Variants in ANKRD24 observed in about 807,000 individuals in gnomAD.
ANKRD24 encodes ankyrin repeat domain-containing protein 24.
In ANKRD24, 109 loss-of-function variants were observed where a neutral mutation model predicts 127.8. The observed-to-expected ratio is 0.85, with a 90% CI of 0.73 to 1.00. The LOEUF (loss-of-function observed/expected upper bound fraction) is 1.00, where lower values mean the gene tolerates loss of function less well. Among genes scored for constraint, ANKRD24 ranks in the 50% least tolerant of loss-of-function variants. The probability of loss-of-function intolerance (pLI) is 0.00; values close to 1 mark genes in which losing one functional copy is unlikely to be tolerated. For missense variants in ANKRD24, 1,648 were observed against 1,570.2 expected, an observed-to-expected ratio of 1.05 and a Z score of -0.84; for synonymous variants, 743 against 671.1, an observed-to-expected ratio of 1.11 and a Z score of -1.66.
intron 10 of ANKRD24, among the ~76,000 whole-genome samples, chr19:4,208,439 C>A (rs758763672): frequency 6.6e-6 from 1 of 152,100 alleles, no homozygotes; most frequent in Admixed American, 6.5e-5. Context: ...AAGTCCCTCA[C>A]GCCTGGCTAA....
In ANKRD24 at chr19:4,195,004, G is replaced by GTC. The variant is rs1968617764; in HGVS notation, c.37-4676_37-4675dup. Among the ~76,000 whole-genome samples the GTC allele has an allele frequency of 6.6e-6, 1 of 152,088 alleles. No individual in the cohort carries two copies. On this transcript the variant is annotated intron_variant, in intron 2 of 21. Coordinates refer to ENST00000318934, the MANE Select transcript of ANKRD24 (RefSeq NM_001393985.1). The surrounding 1 kb of genome is among the most constrained non-coding windows in gnomAD (Gnocchi z 4.2). ...TTTTTTTCAGATGGAGTCTCGCTGT[G>GTC]TCTCCCAGGCTGGAGTGCAGTGGTG... is the stretch of plus-strand genomic sequence containing the variant.
rs1404173090 is a variant in ANKRD24, at chr19:4,195,354, G to A, written c.37-4329G>A. 3.9e-5 allele frequency among the ~76,000 whole-genome samples: 6 copies of A among 152,010 alleles called. No homozygotes were observed. Among genetic ancestry groups the A allele is most frequent in the Non-Finnish European group, 7.4e-5 (5 of 68,008 alleles). ...CTCCCAAAGTGCTGGGATGACAGGC[G>A]TGAGCCACCATGCCTGGCCATTTGC... is the stretch of plus-strand genomic sequence containing the variant. On this transcript the variant is annotated intron_variant, in intron 2 of 21. Coordinates refer to ENST00000318934, the MANE Select transcript of ANKRD24 (RefSeq NM_001393985.1). The surrounding 1 kb of genome is among the most constrained non-coding windows in gnomAD (Gnocchi z 4.2).
chr19:4,185,044 G>A (rs1236519316), intron 1 of ANKRD24, among the ~76,000 whole-genome samples: 1 of 138,010 alleles, frequency 7.2e-6, no homozygotes, highest in Non-Finnish European at 1.6e-5. Flanking sequence ...GGATGGATGA[G>A]TGGATGGGTG....
chr19:4,216,902 C>T lies in ANKRD24; in HGVS notation c.1742C>T (p.Ala581Val), dbSNP rs753366743. 1 of 1,609,730 alleles carries T rather than the reference C, an allele frequency of 6.2e-7. No individual in the cohort carries two copies. Among genetic ancestry groups the T allele is most frequent in the Non-Finnish European group, 8.5e-7 (1 of 1,178,078 alleles). Residue 581 changes from alanine to valine, a missense_variant, in exon 18 of 22, where the codon GCC becomes GTC. Coordinates refer to ENST00000318934, the MANE Select transcript of ANKRD24 (RefSeq NM_001393985.1). ...TMEARTMEAE[A>V]TGAEATGAEA... is the part of the protein sequence containing the mutation. ...GAAGCCAGGACTATGGAAGCTGAGG[C>T]CACGGGAGCCGAGGCCACGGGAGCT... is the stretch of plus-strand genomic sequence containing the variant.
In ANKRD24 at chr19:4,193,860, G is replaced by GAAGGAAGGAAGGAAGGAAGT; in HGVS notation, c.37-5804_37-5803insTAAGGAAGGAAGGAAGGAAG. Among the ~76,000 whole-genome samples the GAAGGAAGGAAGGAAGGAAGT allele has an allele frequency of 3.6e-5, 5 of 140,782 alleles. 1 individual carries two copies. Among genetic ancestry groups the GAAGGAAGGAAGGAAGGAAGT allele is most frequent in the Admixed American group, 1.4e-4 (2 of 14,088 alleles). The allele number at this position is 140,782 out of a possible 152,430, so 92.4% of individuals were successfully genotyped here. A position where few individuals can be genotyped will look rare whatever the true frequency, so the allele number is the denominator to read the frequency against. The stretch of plus-strand genomic sequence containing the variant: ...GGGAGGGAGGGAGGAAGGAAGGAAG[G>GAAGGAAGGAAGGAAGGAAGT]AAGGAAGGAAGGAAGGAAGGAAGGA... On this transcript the variant is annotated intron_variant, in intron 2 of 21. Transcript: ENST00000318934.
rs1289615578 is a variant in ANKRD24, at chr19:4,210,338, G to C, written c.1025G>C (p.Gly342Ala). 3.8e-6 allele frequency: 6 copies of C among 1,573,602 alleles called. No individual in the cohort carries two copies. The highest frequency in any genetic ancestry group is 5.2e-6 in the Non-Finnish European group (6 of 1,160,264). Reference protein sequence around the residue: ...ERGRLLQKIRGLEQHKERRQQ... With the variant: ...ERGRLLQKIRALEQHKERRQQ... ...GGCCGCCTCCTGCAGAAGATCCGGG[G>C]CCTGGAACAGCACAAGGAACGGAGG... Residue 342 changes from glycine to alanine, a missense_variant, in exon 13 of 22, where the codon GGC becomes GCC. Gly to Ala is a moderately conservative substitution (Grantham distance 60). Coordinates refer to ENST00000318934, the MANE Select transcript of ANKRD24 (RefSeq NM_001393985.1).
intron 20 of ANKRD24, among the ~76,000 whole-genome samples, chr19:4,223,401 A>G (rs8112352): frequency 1.9e-5 from 1 of 53,344 alleles, no homozygotes; most frequent in Non-Finnish European, 3.2e-5. Flanking sequence ...ATATATATAT[A>G]TTTTTTTTTT....
chr19:4,206,541 C>G (rs1044191956), intron 7 of ANKRD24, among the ~76,000 whole-genome samples: 2 of 151,962 alleles, frequency 1.3e-5, no homozygotes, highest in African/African-American at 4.8e-5. Context: ...TTCCTGTAAT[C>G]CCAGCCCCTT....
chr19:4,220,119 G>T (rs1036002015), intron 19 of ANKRD24, among the ~76,000 whole-genome samples: 1 of 152,054 alleles, frequency 6.6e-6, no homozygotes, highest in African/African-American at 2.4e-5. Context: ...TTACAGGCAT[G>T]CGACACCACA....
intron 15 of ANKRD24, among the ~76,000 whole-genome samples, chr19:4,212,947 A>G (rs1208758521): frequency 1.3e-5 from 2 of 152,200 alleles, no homozygotes; most frequent in African/African-American, 2.4e-5. Flanking sequence ...CCTGGCCAAC[A>G]TGGTGAAACC....
intron 19 of ANKRD24, 150 bp downstream of exon 19, chr19:4,219,908 GT>G (rs1398718193): frequency 7.6e-6 from 7 of 922,772 alleles, no homozygotes; most frequent in African/African-American, 1.7e-5. Flanking sequence ...AGGGGACCTG[GT>G]TACAGCCTCT....
chr19:4,219,769 C>T lies in ANKRD24; in HGVS notation c.3171+11C>T, dbSNP rs776299119. 3.8e-6 allele frequency: 6 copies of T among 1,592,252 alleles called. No homozygotes were observed. Among genetic ancestry groups the T allele is most frequent in the African/African-American group, 1.3e-5 (1 of 74,356 alleles). ...GAGAAGGACAAGAAGGTGGGTGCCC[C>T]CTCTCCCACACTCAGTCAGGGAGGC... On this transcript the variant is annotated intron_variant, in intron 19 of 21. Coordinates refer to ENST00000318934, the MANE Select transcript of ANKRD24 (RefSeq NM_001393985.1).
At chr19:4,220,715 C>T (rs10405333) in intron 19 of ANKRD24, among the ~76,000 whole-genome samples, 18,663 of 151,312 alleles carry the variant, frequency 0.12, 3,127 homozygotes, top group African/African-American at 0.38. Flanking sequence ...CCACCACGCC[C>T]GGCTAATTTT....
At chr19:4,188,378 A>ATT (rs34131628) in intron 2 of ANKRD24, among the ~76,000 whole-genome samples, 9,547 of 83,600 alleles carry the variant, frequency 0.11, 755 homozygotes, top group East Asian at 0.31. Flanking sequence ...CGCTTGGTCC[A>ATT]TTTTTTTTTT....
chr19:4,191,781 C>T (rs1183738684), intron 2 of ANKRD24, among the ~76,000 whole-genome samples: 2 of 144,846 alleles, frequency 1.4e-5, no homozygotes, highest in Admixed American at 1.4e-4. Context: ...CGTCCCCAGC[C>T]TATTTATTTA....
At chr19:4,223,378 T>C (rs1338087724) in intron 20 of ANKRD24, among the ~76,000 whole-genome samples, 517 of 42,942 alleles carry the variant, frequency 0.012, 35 homozygotes, top group African/African-American at 0.034. Flanking sequence ...CATACATATA[T>C]ATATATATAT....
In ANKRD24 at chr19:4,217,243, C is replaced by G; in HGVS notation, c.2083C>G (p.Pro695Ala). The change falls in exon 18 of 22, where the codon CCA (proline) becomes GCA (alanine). Residue 695 changes from proline to alanine, a missense_variant. Pro to Ala is a conservative substitution (Grantham distance 27). Transcript: ENST00000318934. ...AGTCAGTGCCACAGGTGTGGAGAAC[C>G]CAGGGGTAGAGGCCACGGTCCCGGG... is the stretch of plus-strand genomic sequence containing the variant. ...TGVSATGVEN[P>A]GVEATVPGIS... 7.5e-6 allele frequency: 12 copies of G among 1,593,122 alleles called. No individual in the cohort carries two copies. Among genetic ancestry groups the G allele is most frequent in the Non-Finnish European group, 1.0e-5 (12 of 1,169,668 alleles).
rs776177472 is a variant in ANKRD24 at position 4,198,434 on chromosome 19, T to C, written c.37-1249T>C. On this transcript the variant is annotated intron_variant, in intron 2 of 21. Coordinates refer to ENST00000318934, the MANE Select transcript of ANKRD24 (RefSeq NM_001393985.1). This position sits in a 1 kb window ranked among gnomAD's most constrained non-coding sequence, Gnocchi z 6.1. ...CGCTCCCCGCGGTCCCTCCAGACCC[T>C]CTGGCCGCCGCCTCCTCTTGGAACC... 3.4e-6 allele frequency: 2 copies of C among 593,640 alleles called. No individual in the cohort carries two copies. Among genetic ancestry groups the C allele is most frequent in the Non-Finnish European group, 6.1e-6 (2 of 330,424 alleles). 36.8% of individuals were successfully genotyped at this position (593,640 alleles called of 1,614,324 possible).
rs2145441675 is a variant in ANKRD24 at position 4,224,583 on chromosome 19, C to T, written c.*78C>T. ...CCCCTGCAGGCCCCTTGCAGACCGG[C>T]TTCACTTGGCTTCACTTGGCCCTAT... On this transcript the variant is annotated 3_prime_UTR_variant, in exon 22 of 22. Coordinates refer to ENST00000318934, the MANE Select transcript of ANKRD24 (RefSeq NM_001393985.1). 1 of 1,259,364 alleles carries T rather than the reference C, an allele frequency of 7.9e-7. No homozygotes were observed. 78.0% of individuals were successfully genotyped at this position (1,259,364 alleles called of 1,614,324 possible).
Sources: allele counts gnomAD v4.1 joint callset (sites outside exome capture counted in the v4.1 genomes callset), GRCh38; gene constraint gnomAD v4.1.1; non-coding constraint Gnocchi (gnomAD v3.1); transcripts MANE v1.5; gene names NCBI Gene and HGNC (gene_info 2026-07-23, HGNC 2026-07-21).